RGS3: variants seen among roughly 807,000 people sequenced by gnomAD.
The protein encoded by RGS3 is regulator of G protein signaling 3.
RGS3 carries 80 observed loss-of-function variants against 132.6 expected under a neutral mutation model. The observed-to-expected ratio is 0.60, with a 90% CI of 0.50 to 0.73. RGS3 has a LOEUF of 0.73. Ranked by LOEUF, RGS3 falls within the 30% of genes least tolerant of loss-of-function variation. The pLI is 0.00. For missense variants in RGS3, 1,382 were observed against 1,530.8 expected, an observed-to-expected ratio of 0.90 and a Z score of 1.62; for synonymous variants, 598 against 620.6, an observed-to-expected ratio of 0.96 and a Z score of 0.54.
At chr9:113,471,800 A>G (rs1829843338) in intron 3 of RGS3, among the ~76,000 whole-genome samples, 1 of 152,076 alleles carries the variant, frequency 6.6e-6, no homozygotes, top group Admixed American at 6.6e-5. Flanking sequence ...GTTCCTTGCT[A>G]CCTGTAATTA....
At chr9:113,513,119 C>T (rs920445671) in intron 14 of RGS3, among the ~76,000 whole-genome samples, 1 of 152,190 alleles carries the variant, frequency 6.6e-6, no homozygotes, top group Non-Finnish European at 1.5e-5. Flanking sequence ...TCACTTGAAC[C>T]TGGGAGGTGG....
At chr9:113,541,194 C>T (rs1165256287) in intron 19 of RGS3, 2 of 966,358 alleles carry the variant, frequency 2.1e-6, no homozygotes, top group Non-Finnish European at 1.5e-6. Context: ...ACTGGGGCCA[C>T]TAGAGACAGC....
At chr9:113,493,160 G>T (rs1830574030) in intron 7 of RGS3, among the ~76,000 whole-genome samples, 1 of 152,260 alleles carries the variant, frequency 6.6e-6, no homozygotes, top group African/African-American at 2.4e-5. Flanking sequence ...TGGAATGGCA[G>T]CTCAGATTAG....
intron 19 of RGS3, among the ~76,000 whole-genome samples, chr9:113,566,151 G>A (rs1376856459): frequency 6.6e-6 from 1 of 152,216 alleles, no homozygotes; most frequent in African/African-American, 2.4e-5. Context: ...ATGGAAGCTC[G>A]TGTCTAGTTT....
At chr9:113,489,816 T>C (rs1830451532) in intron 7 of RGS3, among the ~76,000 whole-genome samples, 1 of 152,098 alleles carries the variant, frequency 6.6e-6, no homozygotes, top group African/African-American at 2.4e-5. Flanking sequence ...AGACATGAGC[T>C]ACCGCAGAAT....
At chr9:113,513,880 G>A (rs934364045) in intron 14 of RGS3, among the ~76,000 whole-genome samples, 2 of 152,186 alleles carry the variant, frequency 1.3e-5, no homozygotes, top group African/African-American at 2.4e-5. Context: ...TTTGGTCTCC[G>A]CTGCCACTGC....
At chr9:113,559,963 C>G (rs1426380723) in intron 19 of RGS3, among the ~76,000 whole-genome samples, 1 of 152,142 alleles carries the variant, frequency 6.6e-6, no homozygotes, top group African/African-American at 2.4e-5. Context: ...TACTGTGTAC[C>G]AGGCATTCCA....
intron 1 of RGS3, among the ~76,000 whole-genome samples, chr9:113,446,756 C>G (rs1251454469): frequency 6.6e-6 from 1 of 152,008 alleles, no homozygotes; most frequent in African/African-American, 2.4e-5. Flanking sequence ...ATTGAAAGGA[C>G]CATTCCAAGA....
chr9:113,536,367 A>C, intron 18 of RGS3: 1 of 480,266 alleles, frequency 2.1e-6, no homozygotes, highest in Non-Finnish European at 2.7e-6. Flanking sequence ...GCTGTGAGGA[A>C]GATGGGTTCT....
intron 1 of RGS3, among the ~76,000 whole-genome samples, chr9:113,454,755 G>A (rs1829329864): frequency 6.9e-6 from 1 of 144,542 alleles, no homozygotes; most frequent in Non-Finnish European, 1.5e-5. Context: ...CCCCACAACT[G>A]AGGGAAGACC....
chr9:113,518,262 C>G lies in RGS3; in HGVS notation c.1758+638C>G, dbSNP rs116146775. Among the ~76,000 whole-genome samples, 1,049 of 152,286 alleles carry G rather than the reference C, an allele frequency of 6.9e-3. 21 individuals are homozygous for G. The highest frequency in any genetic ancestry group is 0.024 in the African/African-American group (1,012 of 41,554). On this transcript the variant is annotated intron_variant, in intron 16 of 24. Transcript: ENST00000350696. ...GGAGCCCTGGGCTCTGCCCTGGCTACCTGGGGCCATGGGGTGAGGGTAGCA... is the reference window on the plus strand; with the variant it reads ...GGAGCCCTGGGCTCTGCCCTGGCTAGCTGGGGCCATGGGGTGAGGGTAGCA...
chr9:113,532,724 G>A (rs1421483770), intron 18 of RGS3, among the ~76,000 whole-genome samples: 1 of 152,206 alleles, frequency 6.6e-6, no homozygotes, highest in Non-Finnish European at 1.5e-5. Flanking sequence ...TGCAGGGCAT[G>A]GGATTTGAGG....
At chr9:113,467,918 G>C (rs2119177035) in intron 3 of RGS3, among the ~76,000 whole-genome samples, 1 of 152,254 alleles carries the variant, frequency 6.6e-6, no homozygotes, top group Non-Finnish European at 1.5e-5. Context: ...GTAGAGATGA[G>C]GTTTCCCTAT....
In RGS3 at chr9:113,550,499, G is replaced by T. The variant is rs186260607; in HGVS notation, c.2037+13581G>T. 1.9e-3 allele frequency among the ~76,000 whole-genome samples: 293 copies of T among 152,292 alleles called. 1 individual carries two copies. Among genetic ancestry groups the T allele is most frequent in the African/African-American group, 6.7e-3 (277 of 41,554 alleles). The stretch of plus-strand genomic sequence containing the variant: ...ATTGATCCTATTGCCAAATTACCCT[G>T]CAGAATGGTTGTACTGATTTCTAAT... On this transcript the variant is annotated intron_variant, in intron 19 of 24. Coordinates refer to ENST00000350696, the Ensembl canonical transcript of RGS3.
Position 113,529,215 on chromosome 9 carries a change from T to C in RGS3, c.1871-6T>C. The C allele has an allele frequency of 6.2e-7, 1 of 1,612,214 alleles. No homozygotes were observed. The highest frequency in any genetic ancestry group is 8.5e-7 in the Non-Finnish European group (1 of 1,178,224). ...AATGCAAATCTTACTTTTTGTTCCC[T>C]CAAAGGTTCTTCAGAAGACCTGAAA... is the stretch of plus-strand genomic sequence containing the variant. On this transcript the variant is annotated splice_region_variant and splice_polypyrimidine_tract_variant and intron_variant, in intron 17 of 24. Coordinates refer to ENST00000350696, the Ensembl canonical transcript of RGS3.
At position 113,507,461 on chromosome 9, in the gene RGS3, G is replaced by T; in HGVS notation, c.1260G>T (p.Gln420His). The change falls in exon 13 of 25, where the codon CAG becomes CAT. Residue 420 changes from glutamine to histidine, a missense_variant. Physicochemically the swap from Gln to His is conservative, Grantham distance 24 (BLOSUM62 0). Transcript: ENST00000350696. This position sits in a 1 kb window ranked among gnomAD's most constrained non-coding sequence, Gnocchi z 5.0. ...ATGGGGTCCAGGCACGGCCTGAGCA[G>T]CGCCACAGCTGCCACCTGGTATGTG... 1.9e-6 allele frequency: 3 copies of T among 1,613,708 alleles called. No individual in the cohort carries two copies. The highest frequency in any genetic ancestry group is 2.5e-6 in the Non-Finnish European group (3 of 1,179,994).
At chr9:113,505,747 A>C (rs1831102376) in intron 11 of RGS3, among the ~76,000 whole-genome samples, 1 of 152,170 alleles carries the variant, frequency 6.6e-6, no homozygotes, top group Non-Finnish European at 1.5e-5. Context: ...ATAGGTTTTT[A>C]TATTTTGTTT....
At chr9:113,562,490 A>AAG (rs1833836048) in intron 19 of RGS3, among the ~76,000 whole-genome samples, 1 of 152,052 alleles carries the variant, frequency 6.6e-6, no homozygotes, top group African/African-American at 2.4e-5. Flanking sequence ...AAAAAAAAAA[A>AAG]AAAAAGAAAT....
chr9:113,460,530 A>G (rs967796734), intron 1 of RGS3, among the ~76,000 whole-genome samples: 2 of 152,166 alleles, frequency 1.3e-5, no homozygotes, highest in African/African-American at 2.4e-5. Flanking sequence ...CCAAAAAAAA[A>G]AAAATTTTTT....
Sources: gnomAD v4.1 joint callset for allele counts (sites outside exome capture counted in the v4.1 genomes callset) on GRCh38, gnomAD v4.1.1 for gene constraint, Gnocchi (gnomAD v3.1) non-coding constraint, MANE v1.5 for transcripts, NCBI Gene and HGNC (gene_info 2026-07-23, HGNC 2026-07-21) for gene names.